The following ZNRF3 variants were observed in gnomAD, a reference collection of about 807,000 sequenced individuals.
ZNRF3 encodes the protein zinc and ring finger 3.
In ZNRF3, 23 loss-of-function variants were observed where a neutral mutation model predicts 72.5. The ratio of observed to expected loss-of-function variants is 0.32; its 90% CI spans 0.23 to 0.45. The LOEUF (loss-of-function observed/expected upper bound fraction) is 0.45. ZNRF3 is among the 20% of genes least tolerant of loss of function. The pLI is 1.00. For missense variants in ZNRF3, 1,169 were observed against 1,272.1 expected, an observed-to-expected ratio of 0.92 and a Z score of 1.23; for synonymous variants, 610 against 545.3, an observed-to-expected ratio of 1.12 and a Z score of -1.65.
At chr22:29,009,014 C>A (rs1455764739) in intron 2 of ZNRF3, among the ~76,000 whole-genome samples, 6 of 152,168 alleles carry the variant, frequency 3.9e-5, no homozygotes, top group Non-Finnish European at 7.3e-5. Context: ...TTGCCCTGGT[C>A]CCTTGATGTT....
At chr22:28,963,327 A>G (rs922937670) in intron 1 of ZNRF3, among the ~76,000 whole-genome samples, 4 of 152,116 alleles carry the variant, frequency 2.6e-5, no homozygotes, top group Admixed American at 6.5e-5. Context: ...CTACAGATTC[A>G]CCTCATTGCA....
chr22:28,922,776 A>C (rs2034532557), intron 1 of ZNRF3, among the ~76,000 whole-genome samples: 1 of 152,074 alleles, frequency 6.6e-6, no homozygotes. Flanking sequence ...CCCGATCTAT[A>C]TGTGGCATGT....
intron 1 of ZNRF3, among the ~76,000 whole-genome samples, chr22:28,974,215 A>T (rs58089713): frequency 6.6e-6 from 1 of 151,726 alleles, no homozygotes; most frequent in African/African-American, 2.4e-5. Flanking sequence ...CCTGCCTCGG[A>T]CTCCCAAAGT....
intron 2 of ZNRF3, among the ~76,000 whole-genome samples, chr22:29,014,903 A>G (rs2036407231): frequency 6.6e-6 from 1 of 152,198 alleles, no homozygotes; most frequent in Non-Finnish European, 1.5e-5. Flanking sequence ...AGGTTCCTGA[A>G]AGAAGAGAGG....
At chr22:28,959,877 C>G (rs777246654) in intron 1 of ZNRF3, among the ~76,000 whole-genome samples, 21 of 152,170 alleles carry the variant, frequency 1.4e-4, no homozygotes, top group Admixed American at 3.9e-4. Context: ...GTGGCCACCA[C>G]AAGCTAAGAG....
intron 2 of ZNRF3, among the ~76,000 whole-genome samples, chr22:29,003,197 A>C (rs2036180965): frequency 6.6e-6 from 1 of 152,062 alleles, no homozygotes; most frequent in Non-Finnish European, 1.5e-5. Flanking sequence ...ATGGAAATTG[A>C]CTCTTCACTA....
intron 2 of ZNRF3, among the ~76,000 whole-genome samples, chr22:28,997,525 T>G (rs991935324): frequency 6.6e-6 from 1 of 152,054 alleles, no homozygotes; most frequent in African/African-American, 2.4e-5. Flanking sequence ...GTGCTATGGT[T>G]CTGTTGGGAA....
chr22:28,923,233 G>T (rs1846670564), intron 1 of ZNRF3, among the ~76,000 whole-genome samples: 1 of 152,174 alleles, frequency 6.6e-6, no homozygotes, highest in Non-Finnish European at 1.5e-5. Context: ...GTGTTCATGG[G>T]TATTTTTCTG....
intron 1 of ZNRF3, among the ~76,000 whole-genome samples, chr22:28,894,993 C>T (rs9620841): frequency 0.41 from 61,733 of 151,916 alleles, 14,080 homozygotes; most frequent in East Asian, 0.61. Context: ...AAGTCCTTAT[C>T]GCATTGCCCA....
At chr22:29,046,998 G>A (rs1018322233) in intron 6 of ZNRF3, 115 bp downstream of exon 6, 1 of 1,062,480 alleles carries the variant, frequency 9.4e-7, no homozygotes, top group Non-Finnish European at 1.3e-6. Flanking sequence ...AACTTTTAGA[G>A]TCACTCTTCT....
intron 2 of ZNRF3, among the ~76,000 whole-genome samples, chr22:29,040,304 C>T (rs764532708): frequency 6.6e-6 from 1 of 152,002 alleles, no homozygotes; most frequent in Admixed American, 6.6e-5. Context: ...CTCAGCCTCC[C>T]GAGTAACTGG....
chr22:28,943,764 C>T (rs944199759), intron 1 of ZNRF3, among the ~76,000 whole-genome samples: 4 of 152,092 alleles, frequency 2.6e-5, no homozygotes, highest in Non-Finnish European at 4.4e-5. Context: ...GTAATCTGAG[C>T]TCTGAGAATT....
intron 1 of ZNRF3, among the ~76,000 whole-genome samples, chr22:28,929,070 G>C (rs1339777358): frequency 1.3e-5 from 2 of 152,170 alleles, no homozygotes; most frequent in Non-Finnish European, 2.9e-5. Context: ...AAAGAACACT[G>C]ATCAAGACTG....
At chr22:28,900,384 A>G (rs944456344) in intron 1 of ZNRF3, among the ~76,000 whole-genome samples, 4 of 152,226 alleles carry the variant, frequency 2.6e-5, no homozygotes, top group Admixed American at 2.6e-4. Context: ...GGCATCTCAC[A>G]CTGGAATGCT....
At chr22:28,905,436 T>G (rs1424073405) in intron 1 of ZNRF3, among the ~76,000 whole-genome samples, 1 of 152,164 alleles carries the variant, frequency 6.6e-6, no homozygotes, top group African/African-American at 2.4e-5. Context: ...TTAGACTTCT[T>G]GGCTGAAAAT....
chr22:28,972,716 C>A (rs971604093), intron 1 of ZNRF3, among the ~76,000 whole-genome samples: 1 of 152,222 alleles, frequency 6.6e-6, no homozygotes, highest in African/African-American at 2.4e-5. Flanking sequence ...CTCCATTCTG[C>A]GTTGCCATCA....
intron 1 of ZNRF3, among the ~76,000 whole-genome samples, chr22:28,912,119 G>A (rs186988387): frequency 7.9e-5 from 12 of 152,216 alleles, no homozygotes; most frequent in African/African-American, 2.9e-4. Context: ...ACTCCCTCCC[G>A]AGAAACAGGA....
intron 2 of ZNRF3, chr22:29,031,712 G>T: frequency 1.2e-6 from 1 of 854,638 alleles, no homozygotes; most frequent in South Asian, 5.4e-5. Context: ...TCTGGCCTGG[G>T]GTAGGACCCG....
intron 1 of ZNRF3, among the ~76,000 whole-genome samples, chr22:28,928,490 CTTTTTTTTTTTT>C (rs10710766): frequency 1.2e-5 from 1 of 80,602 alleles, no homozygotes; most frequent in African/African-American, 4.1e-5. Flanking sequence ...CCAGAAATGT[CTTTTTTTTTTTT>C]TTTTTTTTTT....
Sources: gnomAD v4.1 joint callset for allele counts (sites outside exome capture counted in the v4.1 genomes callset) on GRCh38, gnomAD v4.1.1 for gene constraint, MANE v1.5 for transcripts, NCBI Gene and HGNC (gene_info 2026-07-23, HGNC 2026-07-21) for gene names.